The following COL20A1 variants were observed in gnomAD, a reference collection of about 807,000 sequenced individuals.
COL20A1 encodes the protein collagen type XX alpha 1 chain, also known as collagen alpha-1(XX) chain.
A neutral mutation model predicts 152.9 loss-of-function variants in COL20A1; 164 were observed. The observed-to-expected ratio is 1.07, with a 90% CI of 0.94 to 1.22. The LOEUF is 1.22. COL20A1 is among the 50% of genes most tolerant of loss of function. The pLI, the probability that COL20A1 is intolerant of heterozygous loss-of-function variation, is 0.00. For missense variants in COL20A1, 1,873 were observed against 1,744.8 expected (o/e 1.07, Z -1.31); for synonymous variants, 864 against 756.0 (o/e 1.14, Z -2.34).
chr20:63,326,457 G>A (rs1354512678), intron 30 of COL20A1, among the ~76,000 whole-genome samples: 2 of 152,184 alleles, frequency 1.3e-5, no homozygotes, highest in African/African-American at 4.8e-5. Flanking sequence ...CCCTGCAAGC[G>A]CCACTTTAGG....
chr20:63,297,503 G>A (rs563245677), intron 2 of COL20A1, among the ~76,000 whole-genome samples: 1 of 152,334 alleles, frequency 6.6e-6, no homozygotes, highest in Admixed American at 6.5e-5. Flanking sequence ...CCCTGGGCAG[G>A]TTGCCAGCTG....
chr20:63,326,059 C>T (rs2123433467), intron 29 of COL20A1, 37 bp from the exon 30 acceptor site: 1 of 1,596,778 alleles, frequency 6.3e-7, no homozygotes, highest in African/African-American at 1.3e-5. Flanking sequence ...GGTACAGGTA[C>T]AAACCCCACC....
Position 63,295,088 on chromosome 20 carries a change from C to T in COL20A1, c.-10-10C>T, listed in dbSNP as rs1199766320. The T allele has an allele frequency of 2.0e-6, 3 of 1,537,016 alleles. No homozygotes were observed. Among genetic ancestry groups the T allele is most frequent in the African/African-American group, 2.8e-5 (2 of 72,682 alleles). On this transcript the variant is annotated splice_polypyrimidine_tract_variant and intron_variant, in intron 1 of 35. Transcript: ENST00000358894. ...GACGGCTGAAGGGCATGGCCTCTTC[C>T]CTGCCACAGCCCGAGCACCATGAGC... is the stretch of plus-strand genomic sequence containing the variant.
chr20:63,320,517 C>A, intron 25 of COL20A1, 149 bp downstream of exon 25: 1 of 793,020 alleles, frequency 1.3e-6, no homozygotes, highest in Non-Finnish European at 2.1e-6. Flanking sequence ...AGCCTCAGGG[C>A]CAGTGGATGA....
chr20:63,328,447 G>T lies in COL20A1; in HGVS notation c.3730G>T (p.Ala1244Ser), dbSNP rs1167614500. 1 of 1,612,624 alleles carries T rather than the reference G, an allele frequency of 6.2e-7. No individual in the cohort carries two copies. Among genetic ancestry groups the T allele is most frequent in the East Asian group, 2.2e-5 (1 of 44,882 alleles). Residue 1244 changes from alanine to serine, a missense_variant, in exon 34 of 36, where the codon GCC (alanine) becomes TCC (serine). Ala to Ser is a moderately conservative substitution (Grantham distance 99). Transcript: ENST00000358894. The part of the protein sequence containing the change: ...PLGSPGTRSK[A>S]LVPGEWGRGG... The stretch of plus-strand genomic sequence containing the variant: ...GGGGTCCCCTGGCACCCGCAGCAAG[G>T]CCCTGGTTCCTGGAGAATGGGGGCG...
rs1267682799 is a variant in COL20A1 at position 63,313,180 on chromosome 20, G to A, written c.2140G>A (p.Asp714Asn). ...TGGCCTAGGGAGGCACACAGAGTAC[G>A]ACGTCACCATCTTGGCCTACTACAG... Reference protein sequence around the residue: ...LPGLGRHTEYDVTILAYYRDG... With the variant: ...LPGLGRHTEYNVTILAYYRDG... Residue 714 changes from aspartate (D) to asparagine (N), a missense_variant, in exon 17 of 36, where the codon GAC becomes AAC. Physicochemically the swap from Asp to Asn is conservative, Grantham distance 23. Transcript: ENST00000358894. The surrounding 1 kb of genome is among the most constrained non-coding windows in gnomAD (Gnocchi z 5.9). 8 of 1,612,494 alleles carry A rather than the reference G, an allele frequency of 5.0e-6. No homozygotes were observed. In the East Asian group the frequency reaches 8.9e-5, roughly 18 times the overall value.
chr20:63,328,545 C>G, intron 34 of COL20A1, 47 bp downstream of exon 34: 1 of 1,548,792 alleles, frequency 6.5e-7, no homozygotes, highest in Non-Finnish European at 8.8e-7. Context: ...CCGGTGGGGG[C>G]GCCGGTTGTC....
At position 63,325,036 on chromosome 20, in the gene COL20A1, T is replaced by TTG. The variant is rs984497276; in HGVS notation, c.3295-404_3295-403dup. The TTG allele has an allele frequency of 1.2e-5, 4 of 328,512 alleles. No individual in the cohort carries two copies. The Admixed American group carries it at 1.4e-4, about 11-fold the overall frequency. 20.3% of individuals were successfully genotyped at this position (328,512 alleles called of 1,614,324 possible). On this transcript the variant is annotated intron_variant, in intron 27 of 35. Coordinates refer to ENST00000358894, the MANE Select transcript of COL20A1 (RefSeq NM_020882.4). ...GTTGGTTGGAACTGGCTTCACAGGC[T>TTG]TGGCTCTGCCATTCTCTAGCTCTGC...
chr20:63,323,885 A>G (rs1443723550), intron 27 of COL20A1, among the ~76,000 whole-genome samples: 1 of 152,182 alleles, frequency 6.6e-6, no homozygotes, highest in Non-Finnish European at 1.5e-5. Flanking sequence ...GTTTAACCTA[A>G]ACAATTCAGT....
Position 63,315,008 on chromosome 20 carries a change from C to G in COL20A1, c.2489-396C>G, listed in dbSNP as rs980944452. 2.6e-5 allele frequency among the ~76,000 whole-genome samples: 4 copies of G among 151,214 alleles called. No individual in the cohort carries two copies. The East Asian group carries it at 7.9e-4, about 30-fold the overall frequency. ...GCCTGCCCGCACACCAGGCATCTCCCTGGCCCCCAGGACACGTGTGCCCCC... is the reference window on the plus strand; with the variant it reads ...GCCTGCCCGCACACCAGGCATCTCCGTGGCCCCCAGGACACGTGTGCCCCC... On this transcript the variant is annotated intron_variant, in intron 19 of 35. Transcript: ENST00000358894.
In COL20A1 at chr20:63,330,836, TGGAAGGAGAG is replaced by T. The variant is rs1401277372; in HGVS notation, c.*126_*135del. The stretch of plus-strand genomic sequence containing the variant: ...GAAAAGCTCAGGAAGAGCCTGCAGG[TGGAAGGAGAG>T]GGAAGCAGCGGCCTCGGCCAAGGCC... On this transcript the variant is annotated 3_prime_UTR_variant, in exon 36 of 36. Coordinates refer to ENST00000358894, the MANE Select transcript of COL20A1 (RefSeq NM_020882.4). 11 of 150,350 alleles carry T rather than the reference TGGAAGGAGAG, an allele frequency of 7.3e-5. No homozygotes were observed. The highest frequency in any genetic ancestry group is 1.2e-4 in the Non-Finnish European group (8 of 67,918). 9.3% of individuals were successfully genotyped at this position (150,350 alleles called of 1,614,324 possible).
intron 27 of COL20A1, chr20:63,324,270 A>G (rs1306665164): frequency 2.0e-5 from 3 of 152,196 alleles, no homozygotes; most frequent in African/African-American, 7.2e-5. Flanking sequence ...CTGCAAATAA[A>G]CACTTCACCT....
chr20:63,309,618 C>T, intron 9 of COL20A1, 121 bp downstream of exon 9: 1 of 1,217,230 alleles, frequency 8.2e-7, no homozygotes, highest in Non-Finnish European at 1.1e-6. Flanking sequence ...CTGAGGGGGT[C>T]TGCAGCACCC....
intron 27 of COL20A1, among the ~76,000 whole-genome samples, chr20:63,324,103 T>C (rs1287123342): frequency 6.6e-6 from 1 of 152,232 alleles, no homozygotes; most frequent in East Asian, 1.9e-4. Flanking sequence ...CTCTTTTTTG[T>C]TGCTATTATA....
At position 63,305,651 on chromosome 20, in the gene COL20A1, G is replaced by C. The variant is rs558348528; in HGVS notation, c.337+91G>C. On this transcript the variant is annotated intron_variant, in intron 4 of 35. Transcript: ENST00000358894. The surrounding 1 kb of genome is among the most constrained non-coding windows in gnomAD (Gnocchi z 4.9). The stretch of plus-strand genomic sequence containing the variant: ...GGGGTCCCACCCTCCTCCAGGCTGC[G>C]TTCCAGCCCCAGGGGTGGGTATGTG... 1 of 1,410,212 alleles carries C rather than the reference G, an allele frequency of 7.1e-7. No individual in the cohort carries two copies. The highest frequency in any genetic ancestry group is 1.4e-5 in the African/African-American group (1 of 69,454). 87.4% of individuals were successfully genotyped at this position (1,410,212 alleles called of 1,614,324 possible).
intron 3 of COL20A1, among the ~76,000 whole-genome samples, chr20:63,304,997 G>C (rs796967525): frequency 4.3e-4 from 66 of 152,292 alleles, no homozygotes; most frequent in African/African-American, 1.5e-3. Context: ...ACTTGCGGCT[G>C]GTCGGTCCGT....
intron 8 of COL20A1, among the ~76,000 whole-genome samples, chr20:63,309,056 C>T (rs1442812486): frequency 1.3e-5 from 2 of 152,178 alleles, no homozygotes; most frequent in East Asian, 3.9e-4. Context: ...AAGGAGCTTC[C>T]TGGCATCCTC....
Position 63,325,714 on chromosome 20 carries a change from G to T in COL20A1, c.3395G>T (p.Gly1132Val). The T allele has an allele frequency of 6.2e-7, 1 of 1,611,942 alleles. No individual in the cohort carries two copies. Among genetic ancestry groups the T allele is most frequent in the East Asian group, 2.2e-5 (1 of 44,872 alleles). Residue 1132 changes from glycine to valine, a missense_variant, in exon 29 of 36, where the codon GGA (glycine) becomes GTA (valine). Transcript: ENST00000358894. ...ATCCCCGGGAGAGTTGGCCTCCAGG[G>T]ACCAAAGGTGCCGGCTCTGGGCTTG... ...QGIPGRVGLQ[G>V]PKGMRGLEGT...
rs2068373304 is a variant in COL20A1, at chr20:63,334,793, G to A, written c.*4077G>A. The A allele has an allele frequency of 6.6e-6, 1 of 152,232 alleles. No individual in the cohort carries two copies. Among genetic ancestry groups the A allele is most frequent in the Admixed American group, 6.5e-5 (1 of 15,290 alleles). 9.4% of individuals were successfully genotyped at this position (152,232 alleles called of 1,614,324 possible). Reference sequence around the variant, plus strand: ...ATAGTAGAAAATAAACCCTGAAGCAGTGTGCATTCATTAGTACTGTGTTTG... The same window carrying A: ...ATAGTAGAAAATAAACCCTGAAGCAATGTGCATTCATTAGTACTGTGTTTG... On this transcript the variant is annotated 3_prime_UTR_variant, in exon 36 of 36. Transcript: ENST00000358894.
Sources: gnomAD v4.1 joint callset for allele counts (sites outside exome capture counted in the v4.1 genomes callset) on GRCh38, gnomAD v4.1.1 for gene constraint, Gnocchi (gnomAD v3.1) non-coding constraint, MANE v1.5 for transcripts, NCBI Gene and HGNC (gene_info 2026-07-23, HGNC 2026-07-21) for gene names.